AFG2A: variants seen among roughly 807,000 people sequenced by gnomAD.
AFG2A encodes the protein ATPase family gene 2 protein homolog A.
chr4:122,955,519 A>T, the AFG2A span, among the ~76,000 whole-genome samples: 3 of 152,312 alleles, frequency 2.0e-5, no homozygotes, highest in Admixed American at 2.0e-4. Context: ...TTTTACCTCC[A>T]AATCATTGAC....
chr4:123,267,590 T>A, the AFG2A span, among the ~76,000 whole-genome samples: 3 of 152,068 alleles, frequency 2.0e-5, no homozygotes, highest in South Asian at 6.2e-4. Flanking sequence ...TTGGCATATT[T>A]TTATTCACTT....
At chr4:123,123,289 A>G in the AFG2A span, among the ~76,000 whole-genome samples, 3 of 152,100 alleles carry the variant, frequency 2.0e-5, no homozygotes, top group Admixed American at 2.0e-4. Context: ...AATGTTTTTC[A>G]TTTGAAAAGG....
At chr4:122,987,740 C>T in the AFG2A span, among the ~76,000 whole-genome samples, 7 of 152,064 alleles carry the variant, frequency 4.6e-5, no homozygotes, top group South Asian at 8.3e-4. Context: ...ACTGATGTCA[C>T]GTTTTGCATC....
the AFG2A span, among the ~76,000 whole-genome samples, chr4:123,004,469 G>T: frequency 1.3e-5 from 2 of 152,108 alleles, no homozygotes; most frequent in Admixed American, 6.5e-5. Flanking sequence ...CCACTATTTT[G>T]AATGTTTTCT....
chr4:123,074,333 G>C, the AFG2A span, among the ~76,000 whole-genome samples: 34 of 151,692 alleles, frequency 2.2e-4, no homozygotes, highest in Non-Finnish European at 7.4e-5. Context: ...GACCTCAGGT[G>C]ATCCATCCAT....
the AFG2A span, among the ~76,000 whole-genome samples, chr4:122,996,570 CAGAT>C: frequency 0.12 from 16,409 of 139,490 alleles, 935 homozygotes; most frequent in Non-Finnish European, 0.13. Flanking sequence ...GGTAGGTAGG[CAGAT>C]AGATAGATAG....
the AFG2A span, among the ~76,000 whole-genome samples, chr4:123,195,177 G>T: frequency 5.3e-5 from 8 of 152,304 alleles, no homozygotes; most frequent in African/African-American, 1.9e-4. Context: ...ATCAAACCAC[G>T]TGGTATTATG....
At chr4:122,954,098 C>T in the AFG2A span, among the ~76,000 whole-genome samples, 1 of 152,174 alleles carries the variant, frequency 6.6e-6, no homozygotes, top group African/African-American at 2.4e-5. Context: ...GGGATACTGC[C>T]CTCATCTGGC....
At chr4:123,056,529 T>G in the AFG2A span, 1 of 1,110,992 alleles carries the variant, frequency 9.0e-7, no homozygotes, top group Non-Finnish European at 1.2e-6. Context: ...GTAACAGACT[T>G]TGGCATTTCC....
At chr4:123,308,126 T>G in the AFG2A span, among the ~76,000 whole-genome samples, 1 of 152,248 alleles carries the variant, frequency 6.6e-6, no homozygotes. Context: ...TGGGATACAT[T>G]TTGATACCGA....
the AFG2A span, among the ~76,000 whole-genome samples, chr4:123,257,234 CATAG>C: frequency 6.6e-6 from 1 of 152,020 alleles, no homozygotes; most frequent in Admixed American, 6.5e-5. Flanking sequence ...CCCCAAGAAC[CATAG>C]ATATAGATAT....
the AFG2A span, among the ~76,000 whole-genome samples, chr4:123,309,459 C>T: frequency 1.3e-5 from 2 of 152,164 alleles, no homozygotes; most frequent in South Asian, 4.1e-4. Flanking sequence ...AACCTAATCA[C>T]CTCCCAAAGA....
At chr4:123,089,654 C>T in the AFG2A span, among the ~76,000 whole-genome samples, 2 of 151,732 alleles carry the variant, frequency 1.3e-5, no homozygotes, top group East Asian at 1.9e-4. Context: ...GCGTGATCTC[C>T]GCCCACTGCA....
At chr4:123,239,860 C>T in the AFG2A span, among the ~76,000 whole-genome samples, 399 of 152,274 alleles carry the variant, frequency 2.6e-3, 2 homozygotes, top group Middle Eastern at 0.014. Flanking sequence ...GGGCTAAATG[C>T]TCCAATTAAA....
the AFG2A span, among the ~76,000 whole-genome samples, chr4:123,200,602 A>G: frequency 6.6e-6 from 1 of 152,218 alleles, no homozygotes; most frequent in South Asian, 2.1e-4. Context: ...CTTGGCCTTC[A>G]GTTTGGAATA....
the AFG2A span, among the ~76,000 whole-genome samples, chr4:123,218,573 A>G: frequency 3.9e-5 from 6 of 152,208 alleles, no homozygotes; most frequent in Non-Finnish European, 8.8e-5. Flanking sequence ...TTGGATAATT[A>G]GCAAATTAAT....
the AFG2A span, among the ~76,000 whole-genome samples, chr4:122,986,315 C>G: frequency 6.6e-6 from 1 of 152,112 alleles, no homozygotes; most frequent in Non-Finnish European, 1.5e-5. Context: ...TAGTTGAAAT[C>G]CATGGTTTCT....
the AFG2A span, among the ~76,000 whole-genome samples, chr4:123,243,602 TG>T: frequency 1.3e-5 from 2 of 150,896 alleles, no homozygotes; most frequent in African/African-American, 4.9e-5. Flanking sequence ...TGTCAGGTGG[TG>T]GGGGGCTGGG....
chr4:123,107,226 A>C, the AFG2A span, among the ~76,000 whole-genome samples: 2 of 152,074 alleles, frequency 1.3e-5, no homozygotes, highest in Admixed American at 1.3e-4. Context: ...GGTGTTTTTC[A>C]GCTTTGTTTG....
Sources: allele counts gnomAD v4.1 joint callset (sites outside exome capture counted in the v4.1 genomes callset), GRCh38; gene constraint gnomAD v4.1.1; transcripts MANE v1.5; gene names NCBI Gene and HGNC (gene_info 2026-07-23, HGNC 2026-07-21).